The following TBC1D1 variants were observed in gnomAD, a reference collection of about 807,000 sequenced individuals.
The protein encoded by TBC1D1 is TBC1 (tre-2/USP6, BUB2, cdc16) domain family, member 1.
A neutral mutation model predicts 125.6 loss-of-function variants in TBC1D1; 89 were observed. The observed-to-expected ratio is 0.71, with a 90% CI of 0.60 to 0.85. The LOEUF is 0.85. Ranked by LOEUF, TBC1D1 falls within the 40% of genes least tolerant of loss-of-function variation. TBC1D1 has a pLI of 0.00. For synonymous variants in TBC1D1, 565 were observed against 564.1 expected (o/e 1.00, Z -0.02); for missense variants, 1,377 against 1,469.2 (o/e 0.94, Z 1.03).
chr4:38,102,799 G>A (rs549922214), intron 14 of TBC1D1, among the ~76,000 whole-genome samples, 200 bp from the exon 17 acceptor site: 11 of 151,878 alleles, frequency 7.2e-5, no homozygotes, highest in African/African-American at 2.4e-4. Context: ...GAGGATCATT[G>A]GAGCCCACAA....
intron 12 of TBC1D1, among the ~76,000 whole-genome samples, chr4:38,077,278 G>A (rs962800139): frequency 3.3e-5 from 5 of 152,182 alleles, no homozygotes; most frequent in African/African-American, 7.2e-5. Context: ...ACAAAGGAGC[G>A]TACAAGTCTT....
intron 2 of TBC1D1, among the ~76,000 whole-genome samples, chr4:38,006,355 A>G (rs1321940306): frequency 1.3e-5 from 2 of 152,096 alleles, no homozygotes; most frequent in Non-Finnish European, 2.9e-5. Context: ...GGAGATGATA[A>G]CCTCCAAATA....
chr4:37,960,142 G>A (rs1205301342), intron 2 of TBC1D1, among the ~76,000 whole-genome samples: 2 of 152,164 alleles, frequency 1.3e-5, no homozygotes, highest in African/African-American at 4.8e-5. Flanking sequence ...TTAACAATGT[G>A]TAAGAGTTGG....
intron 12 of TBC1D1, chr4:38,060,603 C>T: frequency 4.7e-6 from 6 of 1,288,498 alleles, no homozygotes; most frequent in Non-Finnish European, 6.1e-6. Flanking sequence ...TGTGTGACAG[C>T]CTTCTCTCTT....
Position 37,947,091 on chromosome 4 carries a change from A to T in TBC1D1, c.417+44579A>T, listed in dbSNP as rs374079915. On this transcript the variant is annotated intron_variant, in intron 2 of 19. Transcript: ENST00000261439. The stretch of plus-strand genomic sequence containing the variant: ...TTATGCTGAGCAAAACAACGCAGAC[A>T]TCTCCCTTACCCGCACTCCCCAAGT... Among the ~76,000 whole-genome samples, 51 of 152,256 alleles carry T rather than the reference A, an allele frequency of 3.3e-4. 1 individual carries two copies. In the South Asian group the frequency reaches 0.01, roughly 30 times the overall value.
intron 11 of TBC1D1, 135 bp downstream of exon 12, chr4:38,052,195 G>A: frequency 1.5e-6 from 1 of 661,036 alleles, no homozygotes; most frequent in African/African-American, 2.4e-5. Context: ...GTGTGTGTGT[G>A]CGCGCGCGTG....
chr4:38,125,483 TGCTTTGA>T (rs1764494964), intron 18 of TBC1D1, among the ~76,000 whole-genome samples: 1 of 152,214 alleles, frequency 6.6e-6, no homozygotes, highest in Admixed American at 6.5e-5. Flanking sequence ...GTACATTGAG[TGCTTTGA>T]TTTGTGTGTG....
chr4:37,952,173 G>A (rs1728019046), intron 2 of TBC1D1: 2 of 695,100 alleles, frequency 2.9e-6, no homozygotes, highest in Admixed American at 4.2e-5. Flanking sequence ...CAGTGGCCCT[G>A]AGACTATTTA....
rs1766856108 is a variant in TBC1D1 at position 38,137,574 on chromosome 4, A to G, written c.*239A>G. 1.4e-5 allele frequency: 6 copies of G among 440,860 alleles called. No individual in the cohort carries two copies. Among genetic ancestry groups the G allele is most frequent in the Non-Finnish European group, 1.9e-5 (5 of 264,642 alleles). The allele number at this position is 440,860 out of a possible 1,614,324, so 27.3% of individuals were successfully genotyped here. On this transcript the variant is annotated 3_prime_UTR_variant, in exon 20 of 20. Coordinates refer to ENST00000261439, the MANE Select transcript of TBC1D1 (RefSeq NM_015173.4). ...TTCTCCAGTCCTGATTACTGTACAC[A>G]GTAGCTTTAGATGGCGTGGACGTGA...
intron 2 of TBC1D1, among the ~76,000 whole-genome samples, chr4:37,922,804 T>C (rs1721287852): frequency 1.3e-5 from 2 of 152,124 alleles, no homozygotes; most frequent in Non-Finnish European, 2.9e-5. Flanking sequence ...GCCTCAATGA[T>C]TGGTTTGGGG....
intron 2 of TBC1D1, among the ~76,000 whole-genome samples, chr4:37,993,082 G>T (rs974419514): frequency 6.6e-6 from 1 of 152,172 alleles, no homozygotes; most frequent in Non-Finnish European, 1.5e-5. Context: ...GGGATTACAG[G>T]CGTGAGCCAC....
chr4:38,033,475 C>T (rs1746602904), intron 7 of TBC1D1, among the ~76,000 whole-genome samples: 1 of 151,988 alleles, frequency 6.6e-6, no homozygotes, highest in African/African-American at 2.4e-5. Context: ...TGTCCCCCAC[C>T]CCACAGTTTC....
intron 2 of TBC1D1, among the ~76,000 whole-genome samples, chr4:37,976,833 C>T (rs1733185339): frequency 6.6e-6 from 1 of 152,190 alleles, no homozygotes; most frequent in Non-Finnish European, 1.5e-5. Flanking sequence ...GGTTCTTTTT[C>T]CTCTGCCCCA....
intron 2 of TBC1D1, among the ~76,000 whole-genome samples, chr4:37,908,212 G>A (rs1461583122): frequency 6.6e-6 from 1 of 152,018 alleles, no homozygotes; most frequent in African/African-American, 2.4e-5. Context: ...AGTATTTTTG[G>A]TGTAAGCGCC....
At chr4:38,120,616 C>T (rs1763689242) in intron 17 of TBC1D1, among the ~76,000 whole-genome samples, 1 of 152,210 alleles carries the variant, frequency 6.6e-6, no homozygotes, top group Non-Finnish European at 1.5e-5. Context: ...TAATAGGTTA[C>T]CTGGCATTAA....
At chr4:37,982,665 C>G (rs943728239) in intron 2 of TBC1D1, among the ~76,000 whole-genome samples, 4 of 152,248 alleles carry the variant, frequency 2.6e-5, no homozygotes, top group East Asian at 3.9e-4. Context: ...AGATAGAAAT[C>G]CCACCTAATC....
chr4:37,996,082 T>C (rs1442614422), intron 2 of TBC1D1: 6 of 511,212 alleles, frequency 1.2e-5, no homozygotes, highest in Non-Finnish European at 2.0e-5. Context: ...CCTATGTGGG[T>C]ATATGATTTT....
chr4:38,018,556 C>G, intron 4 of TBC1D1, 113 bp downstream of exon 4: 1 of 637,134 alleles, frequency 1.6e-6, no homozygotes. Flanking sequence ...TTTCTAAGTA[C>G]TGTACTTGAT....
At chr4:38,054,109 A>G in intron 11 of TBC1D1, 90 bp from the exon 14 acceptor site, 9 of 1,356,864 alleles carry the variant, frequency 6.6e-6, no homozygotes, top group Non-Finnish European at 9.3e-6. Flanking sequence ...ATAGTTGATA[A>G]TTTAGTGATT....
Sources: gnomAD v4.1 joint callset for allele counts (sites outside exome capture counted in the v4.1 genomes callset) on GRCh38, gnomAD v4.1.1 for gene constraint, MANE v1.5 for transcripts, NCBI Gene and HGNC (gene_info 2026-07-23, HGNC 2026-07-21) for gene names.